The following SSMEM1 variants were observed in gnomAD, a reference collection of about 807,000 sequenced individuals.
The protein encoded by SSMEM1 is serine rich single-pass membrane protein 1, also known as serine-rich single-pass membrane protein 1.
SSMEM1 carries 12 observed loss-of-function variants against 9.9 expected under a neutral mutation model. The observed-to-expected ratio is 1.21, with a 90% CI of 0.78 to 1.96. SSMEM1 has a LOEUF of 1.96. Ranked by LOEUF, SSMEM1 falls within the 30% of genes most tolerant of loss-of-function variation. The probability of loss-of-function intolerance (pLI) is 0.00; values close to 1 mark genes in which losing one functional copy is unlikely to be tolerated. For missense variants in SSMEM1, 259 were observed against 292.2 expected (o/e 0.89, Z 0.83); for synonymous variants, 96 against 98.9 (o/e 0.97, Z 0.17).
rs1470344913 is a variant in SSMEM1, at chr7:130,208,013, T to C, written c.103T>C (p.Cys35Arg). ...TTATGAATGCTGGAAGGATGACTCTTGTGGAACCATAGGGAGCTTCCTGCT... is the reference window on the plus strand; with the variant it reads ...TTATGAATGCTGGAAGGATGACTCTCGTGGAACCATAGGGAGCTTCCTGCT... ...QDYECWKDDS[C>R]GTIGSFLLWY... Residue 35 changes from cysteine (C) to arginine (R), a missense_variant, in exon 1 of 3, where the codon TGT (cysteine) becomes CGT (arginine). Transcript: ENST00000297819. 6.2e-7 allele frequency: 1 copy of C among 1,614,098 alleles called. No individual in the cohort carries two copies. Among genetic ancestry groups the C allele is most frequent in the Non-Finnish European group, 8.5e-7 (1 of 1,179,980 alleles).
upstream of SSMEM1, among the ~76,000 whole-genome samples, chr7:130,206,020 G>C (rs144293256): frequency 6.9e-4 from 105 of 152,194 alleles, no homozygotes; most frequent in African/African-American, 2.0e-3. Flanking sequence ...TGTTTAATAG[G>C]GTGCAGCAAT....
Position 130,208,090 on chromosome 7 carries a change from C to T in SSMEM1, c.180C>T (p.Val60=). 1.2e-6 allele frequency: 2 copies of T among 1,607,502 alleles called. No individual in the cohort carries two copies. Among genetic ancestry groups the T allele is most frequent in the South Asian group, 1.1e-5 (1 of 89,126 alleles). The change falls in exon 1 of 3, where the codon GTC becomes GTT. Residue 60 remains valine, a synonymous_variant. Coordinates refer to ENST00000297819, the MANE Select transcript of SSMEM1 (RefSeq NM_145268.4). ...TGATGTTCTTCTCTAGGGCTTCTGTCTGGGTAGGATATCTTTTTTTCATTT... is the reference window on the plus strand; with the variant it reads ...TGATGTTCTTCTCTAGGGCTTCTGTTTGGGTAGGATATCTTTTTTTCATTT... ...FVLMFFSRAS[V]WMSEDKKDEG... is the part of the protein sequence containing the mutation.
upstream of SSMEM1, chr7:130,207,658 GAA>G (rs1284702642): frequency 1.1e-5 from 6 of 563,676 alleles, no homozygotes; most frequent in Non-Finnish European, 1.3e-5. Flanking sequence ...CAAGTTTTAG[GAA>G]AAAAAATTAA....
upstream of SSMEM1, chr7:130,205,485 G>T: frequency 6.4e-7 from 1 of 1,552,864 alleles, no homozygotes; most frequent in South Asian, 1.1e-5. Flanking sequence ...GGAAGAACTA[G>T]GTAGTCTCTT....
At position 130,216,671 on chromosome 7, in the gene SSMEM1, A is replaced by C. The variant is rs1798717060; in HGVS notation, c.*201A>C. Reference sequence around the variant, plus strand: ...AAGGCCATCACGTGTTTATGGCACCATTGGAACACCAAAGATCTATATCTG... The same window carrying C: ...AAGGCCATCACGTGTTTATGGCACCCTTGGAACACCAAAGATCTATATCTG... On this transcript the variant is annotated 3_prime_UTR_variant, in exon 3 of 3. Coordinates refer to ENST00000297819, the MANE Select transcript of SSMEM1 (RefSeq NM_145268.4). The C allele has an allele frequency of 8.2e-6, 5 of 606,586 alleles. No homozygotes were observed. The highest frequency in any genetic ancestry group is 1.4e-5 in the Non-Finnish European group (5 of 354,532). The allele number at this position is 606,586 out of a possible 1,614,324, so 37.6% of individuals were successfully genotyped here. A position where few individuals can be genotyped will look rare whatever the true frequency, so the allele number is the denominator to read the frequency against.
intron 2 of SSMEM1, among the ~76,000 whole-genome samples, chr7:130,214,980 GGGA>G (rs1798675787): frequency 6.6e-6 from 1 of 152,176 alleles, no homozygotes; most frequent in Non-Finnish European, 1.5e-5. Context: ...ACATGGAGTT[GGGA>G]GGAGATGTGC....
intron 1 of SSMEM1, among the ~76,000 whole-genome samples, chr7:130,212,906 T>C (rs1452876667): frequency 6.6e-6 from 1 of 152,206 alleles, no homozygotes. Flanking sequence ...CCATTTTGTT[T>C]GGTCCAAAAC....
In SSMEM1 at chr7:130,207,946, T is replaced by A; in HGVS notation, c.36T>A (p.Asp12Glu). The stretch of plus-strand genomic sequence containing the variant: ...TTTTTTCCTTATTTTGGGAGGTAGA[T>A]CCTCCCCCAATACCTGTAAATTGTG... ...GDLFSLFWEVDPPPIPVNCAI... is the reference protein window; with the variant it reads ...GDLFSLFWEVEPPPIPVNCAI... Residue 12 changes from aspartate (D) to glutamate (E), a missense_variant, in exon 1 of 3, where the codon GAT (aspartate) becomes GAA (glutamate). Asp to Glu is a conservative substitution (Grantham distance 45, BLOSUM62 2). Transcript: ENST00000297819. 1 of 1,613,904 alleles carries A rather than the reference T, an allele frequency of 6.2e-7. No individual in the cohort carries two copies. The highest frequency in any genetic ancestry group is 2.2e-5 in the East Asian group (1 of 44,844).
chr7:130,209,694 C>A (rs996358097), intron 1 of SSMEM1, among the ~76,000 whole-genome samples: 5 of 152,342 alleles, frequency 3.3e-5, no homozygotes, highest in African/African-American at 1.2e-4. Context: ...ATTCTCCTGC[C>A]TCAGCCTCCT....
upstream of SSMEM1, chr7:130,205,630 G>A: frequency 1.7e-6 from 1 of 599,662 alleles, no homozygotes; most frequent in Non-Finnish European, 3.0e-6. Flanking sequence ...TGAACCCGCA[G>A]TAAAAAGTAA....
intron 2 of SSMEM1, among the ~76,000 whole-genome samples, chr7:130,213,778 G>A (rs1798651308): frequency 6.6e-6 from 1 of 151,908 alleles, no homozygotes; most frequent in Middle Eastern, 3.4e-3. Flanking sequence ...TTTGTGCTGA[G>A]TGTGGAAAGC....
chr7:130,210,266 C>T (rs1230402455), intron 1 of SSMEM1, among the ~76,000 whole-genome samples: 2 of 152,166 alleles, frequency 1.3e-5, no homozygotes, highest in African/African-American at 2.4e-5. Context: ...TGAAGGGTCC[C>T]AGATTTGAAA....
chr7:130,211,380 C>T (rs1024755893), intron 1 of SSMEM1, among the ~76,000 whole-genome samples: 1 of 151,982 alleles, frequency 6.6e-6, no homozygotes, highest in South Asian at 2.1e-4. Context: ...AGGATGGTCT[C>T]GATCTCCTGA....
chr7:130,215,309 CA>C (rs560790021), intron 2 of SSMEM1, among the ~76,000 whole-genome samples: 2 of 148,832 alleles, frequency 1.3e-5, no homozygotes, highest in Non-Finnish European at 3.0e-5. Flanking sequence ...ATCTCAAAAA[CA>C]AAAAAAAACA....
At chr7:130,209,389 T>G (rs535760119) in intron 1 of SSMEM1, among the ~76,000 whole-genome samples, 2 of 152,322 alleles carry the variant, frequency 1.3e-5, no homozygotes, top group Admixed American at 6.5e-5. Context: ...CACCTCCTGG[T>G]GAAGAACTTT....
At chr7:130,211,866 TTCC>T (rs1388763803) in intron 1 of SSMEM1, among the ~76,000 whole-genome samples, 1 of 152,234 alleles carries the variant, frequency 6.6e-6, no homozygotes, top group Non-Finnish European at 1.5e-5. Context: ...GCACACTTAT[TTCC>T]TCATGTTATG....
chr7:130,206,248 A>G (rs1468323610), upstream of SSMEM1, among the ~76,000 whole-genome samples: 1 of 152,002 alleles, frequency 6.6e-6, no homozygotes, highest in African/African-American at 2.4e-5. Context: ...GAGGAGCTCA[A>G]CCCCAGCGGA....
In SSMEM1 at chr7:130,216,678, C is replaced by A; in HGVS notation, c.*208C>A. On this transcript the variant is annotated 3_prime_UTR_variant, in exon 3 of 3. Transcript: ENST00000297819. ...TCACGTGTTTATGGCACCATTGGAA[C>A]ACCAAAGATCTATATCTGCTATGAT... 1.7e-6 allele frequency: 1 copy of A among 589,608 alleles called. No homozygotes were observed. Among genetic ancestry groups the A allele is most frequent in the Non-Finnish European group, 2.9e-6 (1 of 342,328 alleles). 36.5% of individuals were successfully genotyped at this position (589,608 alleles called of 1,614,324 possible).
At chr7:130,212,588 G>A (rs1798611285) in intron 1 of SSMEM1, among the ~76,000 whole-genome samples, 1 of 151,986 alleles carries the variant, frequency 6.6e-6, no homozygotes, top group South Asian at 2.1e-4. Flanking sequence ...AGCCGGGCGT[G>A]GTGGTGCATG....
Sources: allele counts gnomAD v4.1 joint callset (sites outside exome capture counted in the v4.1 genomes callset), GRCh38; gene constraint gnomAD v4.1.1; transcripts MANE v1.5; gene names NCBI Gene and HGNC (gene_info 2026-07-23, HGNC 2026-07-21).